DOK6: variants seen among roughly 807,000 people sequenced by gnomAD.
DOK6 encodes the protein docking protein 6, also known as downstream of tyrosine kinase 6.
A neutral mutation model predicts 44.0 loss-of-function variants in DOK6; 22 were observed. The observed-to-expected ratio is 0.50, with a 90% CI of 0.36 to 0.71. DOK6 has a LOEUF of 0.71. Among genes scored for constraint, DOK6 ranks in the 30% least tolerant of loss-of-function variants. The pLI is 0.00. For synonymous variants in DOK6, 166 were observed against 145.5 expected (o/e 1.14, Z -1.01); for missense variants, 340 against 416.4 (o/e 0.82, Z 1.60).
At chr18:69,600,601 T>C (rs1417419943) in intron 3 of DOK6, among the ~76,000 whole-genome samples, 1 of 152,176 alleles carries the variant, frequency 6.6e-6, no homozygotes, top group African/African-American at 2.4e-5. Flanking sequence ...TGCCTTCCTG[T>C]CAGCTGTCTT....
At chr18:69,498,077 C>A (rs143086902) in intron 1 of DOK6, among the ~76,000 whole-genome samples, 1 of 152,104 alleles carries the variant, frequency 6.6e-6, no homozygotes, top group Non-Finnish European at 1.5e-5. Context: ...CACACAGACA[C>A]ACAAAAAATG....
chr18:69,445,546 A>C (rs1979261092), intron 1 of DOK6, among the ~76,000 whole-genome samples: 1 of 152,144 alleles, frequency 6.6e-6, no homozygotes. Flanking sequence ...GGGGGGATTT[A>C]ATCGAGGTCA....
chr18:69,405,369 TA>T (rs1258046791), intron 1 of DOK6, among the ~76,000 whole-genome samples: 1 of 152,128 alleles, frequency 6.6e-6, no homozygotes, highest in East Asian at 1.9e-4. Flanking sequence ...CCTGTAATCC[TA>T]GCATTTTGGG....
intron 1 of DOK6, among the ~76,000 whole-genome samples, chr18:69,439,255 T>G (rs1464337949): frequency 1.3e-5 from 2 of 152,340 alleles, no homozygotes; most frequent in African/African-American, 4.8e-5. Flanking sequence ...CAGGCTTTGT[T>G]GTCCTGTTTA....
intron 3 of DOK6, among the ~76,000 whole-genome samples, chr18:69,677,205 C>A (rs892619799): frequency 6.6e-6 from 1 of 151,990 alleles, no homozygotes; most frequent in African/African-American, 2.4e-5. Context: ...GGAAAACATT[C>A]ATTTGTTTAA....
chr18:69,583,877 G>A (rs1437985111), intron 2 of DOK6, among the ~76,000 whole-genome samples: 1 of 152,170 alleles, frequency 6.6e-6, no homozygotes, highest in East Asian at 1.9e-4. Flanking sequence ...GGGAGACCAA[G>A]GCGGGAGGAT....
intron 7 of DOK6, among the ~76,000 whole-genome samples, chr18:69,803,907 C>T (rs564242105): frequency 1.3e-5 from 2 of 152,102 alleles, no homozygotes; most frequent in South Asian, 4.1e-4. Flanking sequence ...AAGTATAGTG[C>T]AGAAAAGTTG....
chr18:69,403,527 T>C (rs1916142864), intron 1 of DOK6, among the ~76,000 whole-genome samples: 1 of 152,224 alleles, frequency 6.6e-6, no homozygotes, highest in South Asian at 2.1e-4. Flanking sequence ...AGTGTGTTCA[T>C]ATAAAAGTTA....
At chr18:69,462,712 C>T (rs1391409319) in intron 1 of DOK6, among the ~76,000 whole-genome samples, 2 of 152,128 alleles carry the variant, frequency 1.3e-5, no homozygotes, top group South Asian at 2.1e-4. Flanking sequence ...ATCCTTCTGC[C>T]AGAAGATTAT....
At chr18:69,518,151 G>A (rs2084418186) in intron 1 of DOK6, among the ~76,000 whole-genome samples, 1 of 152,010 alleles carries the variant, frequency 6.6e-6, no homozygotes, top group Admixed American at 6.6e-5. Context: ...TTAATTTTGG[G>A]AAAGCATTGC....
At chr18:69,660,733 C>A (rs2144671654) in intron 3 of DOK6, 1 of 147,998 alleles carries the variant, frequency 6.8e-6, no homozygotes, top group Admixed American at 6.8e-5. Flanking sequence ...TACAGTGGCT[C>A]AATCTCAACT....
At chr18:69,493,413 C>T (rs1490429419) in intron 1 of DOK6, among the ~76,000 whole-genome samples, 5 of 152,120 alleles carry the variant, frequency 3.3e-5, no homozygotes, top group Non-Finnish European at 7.3e-5. Context: ...AAAAAGAGCA[C>T]TAGCATTGCC....
At chr18:69,615,264 A>G (rs1001737273) in intron 3 of DOK6, among the ~76,000 whole-genome samples, 1 of 152,190 alleles carries the variant, frequency 6.6e-6, no homozygotes, top group Admixed American at 6.5e-5. Context: ...TTAGAGTTAC[A>G]TGGTCTGTGG....
chr18:69,552,492 A>G (rs1982589638), intron 1 of DOK6, among the ~76,000 whole-genome samples: 1 of 152,212 alleles, frequency 6.6e-6, no homozygotes, highest in Admixed American at 6.5e-5. Flanking sequence ...TTTAATACAT[A>G]AATACATCCA....
rs1425683269 is a variant in DOK6 at position 69,848,371 on chromosome 18, A to C, written c.*6988A>C. 1 of 152,154 alleles carries C rather than the reference A, an allele frequency of 6.6e-6. No individual in the cohort carries two copies. The allele number at this position is 152,154 out of a possible 1,614,324, so 9.4% of individuals were successfully genotyped here. On this transcript the variant is annotated 3_prime_UTR_variant, in exon 8 of 8. Coordinates refer to ENST00000382713, the MANE Select transcript of DOK6 (RefSeq NM_152721.6). Reference sequence around the variant, plus strand: ...GTTAAGAAATAAAACACCCATTATAAATTTGCTTCTGTTGGAAAATACATG... The same window carrying C: ...GTTAAGAAATAAAACACCCATTATACATTTGCTTCTGTTGGAAAATACATG...
chr18:69,418,129 T>C (rs1031240362), intron 1 of DOK6, among the ~76,000 whole-genome samples: 1 of 152,142 alleles, frequency 6.6e-6, no homozygotes, highest in African/African-American at 2.4e-5. Context: ...AAATCTTTGC[T>C]CAAACCAGTG....
intron 1 of DOK6, among the ~76,000 whole-genome samples, chr18:69,461,412 G>A (rs1418586694): frequency 1.3e-5 from 2 of 152,052 alleles, no homozygotes; most frequent in Non-Finnish European, 2.9e-5. Flanking sequence ...GGAACAGCTG[G>A]CAGGGGCTCC....
intron 3 of DOK6, among the ~76,000 whole-genome samples, chr18:69,618,981 C>T (rs1599225279): frequency 6.6e-6 from 1 of 152,078 alleles, no homozygotes; most frequent in Middle Eastern, 3.4e-3. Context: ...CACACCCACA[C>T]AACACAAAAT....
At chr18:69,782,528 A>G (rs2145090796) in intron 7 of DOK6, among the ~76,000 whole-genome samples, 1 of 152,086 alleles carries the variant, frequency 6.6e-6, no homozygotes. Context: ...AAGATCTTCT[A>G]AAGCTTCATG....
Sources: gnomAD v4.1 joint callset for allele counts (sites outside exome capture counted in the v4.1 genomes callset) on GRCh38, gnomAD v4.1.1 for gene constraint, MANE v1.5 for transcripts, NCBI Gene and HGNC (gene_info 2026-07-23, HGNC 2026-07-21) for gene names.